Variants in GSAP observed in about 807,000 individuals in gnomAD.
The protein encoded by GSAP is gamma-secretase activating protein, also known as gamma-secretase-activating protein.
GSAP carries 118 observed loss-of-function variants against 131.7 expected under a neutral mutation model. That is an observed-to-expected ratio of 0.90 (90% CI 0.77 to 1.04). The LOEUF (loss-of-function observed/expected upper bound fraction) is 1.04, where lower values mean the gene tolerates loss of function less well. Ranked by LOEUF, GSAP falls within the 50% of genes least tolerant of loss-of-function variation. The pLI, the probability that GSAP is intolerant of heterozygous loss-of-function variation, is 0.00. For synonymous variants in GSAP, 381 were observed against 363.4 expected, an observed-to-expected ratio of 1.05 and a Z score of -0.55; for missense variants, 1,019 against 1,013.2, an observed-to-expected ratio of 1.01 and a Z score of -0.08.
intron 15 of GSAP, 22 bp from the exon 16 acceptor site, chr7:77,355,452 G>T: frequency 7.1e-7 from 1 of 1,401,922 alleles, no homozygotes; most frequent in Non-Finnish European, 9.9e-7. Flanking sequence ...AAAAAAAACA[G>T]TAGATCAGCA....
At chr7:77,413,753 G>A (rs570569244) in intron 1 of GSAP, among the ~76,000 whole-genome samples, 39 of 152,206 alleles carry the variant, frequency 2.6e-4, no homozygotes, top group Non-Finnish European at 5.0e-4. Context: ...AGGTGAGGAT[G>A]AGAGAAAGAA....
chr7:77,390,799 A>T (rs1799345785), intron 5 of GSAP, among the ~76,000 whole-genome samples: 1 of 151,608 alleles, frequency 6.6e-6, no homozygotes, highest in African/African-American at 2.4e-5. Flanking sequence ...ACAAAAAAAA[A>T]ATAGCTGGGC....
intron 3 of GSAP, among the ~76,000 whole-genome samples, chr7:77,398,147 G>A (rs1563117794): frequency 6.6e-6 from 1 of 152,126 alleles, no homozygotes; most frequent in East Asian, 1.9e-4. Flanking sequence ...AACACCCAGA[G>A]GATAAGGGAA....
chr7:77,361,738 T>C (rs1794547186), intron 13 of GSAP, among the ~76,000 whole-genome samples: 1 of 152,182 alleles, frequency 6.6e-6, no homozygotes, highest in South Asian at 2.1e-4. Flanking sequence ...AATAACTCCT[T>C]AGCATGGTTC....
intron 5 of GSAP, among the ~76,000 whole-genome samples, chr7:77,388,420 C>T (rs1305040078): frequency 2.0e-5 from 3 of 152,188 alleles, no homozygotes; most frequent in Admixed American, 2.0e-4. Context: ...AGTGGTATAG[C>T]ACTGATAATG....
chr7:77,392,641 A>C (rs1359783812), intron 5 of GSAP, among the ~76,000 whole-genome samples: 1 of 152,222 alleles, frequency 6.6e-6, no homozygotes, highest in Non-Finnish European at 1.5e-5. Context: ...GAGAGACAGC[A>C]GGATCAGGCA....
intron 18 of GSAP, among the ~76,000 whole-genome samples, chr7:77,349,657 T>C (rs957952701): frequency 6.7e-6 from 1 of 149,846 alleles, no homozygotes; most frequent in Non-Finnish European, 1.5e-5. Flanking sequence ...AAAAGACTAT[T>C]ACAAAGAAAT....
chr7:77,395,758 G>A (rs1221859385), intron 5 of GSAP, among the ~76,000 whole-genome samples: 1 of 152,200 alleles, frequency 6.6e-6, no homozygotes, highest in African/African-American at 2.4e-5. Context: ...AGCCTCATGT[G>A]GAAAGTAAGT....
At chr7:77,314,711 T>G (rs1794783183) in intron 26 of GSAP, 2 of 444,206 alleles carry the variant, frequency 4.5e-6, no homozygotes, top group Non-Finnish European at 8.3e-6. Flanking sequence ...CATTCCTTGC[T>G]CCTTGGGTCT....
At chr7:77,365,819 C>G (rs569505376) in intron 12 of GSAP, among the ~76,000 whole-genome samples, 10 of 151,328 alleles carry the variant, frequency 6.6e-5, no homozygotes, top group Non-Finnish European at 1.3e-4. Context: ...CTGCTTTCCA[C>G]AATGGTAGAA....
At chr7:77,379,892 C>T in intron 8 of GSAP, 9 of 981,816 alleles carry the variant, frequency 9.2e-6, no homozygotes, top group Non-Finnish European at 1.1e-5. Flanking sequence ...TTGAGGCTTT[C>T]AATAGCTGAT....
chr7:77,358,626 G>A (rs1438439662), intron 14 of GSAP, among the ~76,000 whole-genome samples: 1 of 152,098 alleles, frequency 6.6e-6, no homozygotes, highest in Non-Finnish European at 1.5e-5. Context: ...AATGCTATAA[G>A]ATAAAAATCA....
chr7:77,316,626 T>C (rs1794996265), intron 26 of GSAP, among the ~76,000 whole-genome samples: 2 of 152,240 alleles, frequency 1.3e-5, no homozygotes, highest in Non-Finnish European at 2.9e-5. Flanking sequence ...AAGTTTACAC[T>C]AGATTATTGA....
At chr7:77,393,233 C>T (rs1167806806) in intron 5 of GSAP, among the ~76,000 whole-genome samples, 3 of 152,112 alleles carry the variant, frequency 2.0e-5, no homozygotes, top group African/African-American at 7.2e-5. Context: ...CTTGTAAGGC[C>T]ATTTGATGGA....
chr7:77,315,044 C>CAA (rs1286375981), intron 26 of GSAP: 2 of 152,726 alleles, frequency 1.3e-5, no homozygotes, highest in African/African-American at 4.8e-5. Flanking sequence ...CAGGCATTCT[C>CAA]AAGCCTGTCT....
intron 2 of GSAP, among the ~76,000 whole-genome samples, chr7:77,405,243 T>C (rs934644131): frequency 7.2e-5 from 11 of 152,322 alleles, no homozygotes; most frequent in Non-Finnish European, 1.0e-4. Context: ...GAGGCTGCAG[T>C]CAGCTATGAT....
chr7:77,328,587 A>ATT lies in GSAP; in HGVS notation c.1765+17_1765+18dup. On this transcript the variant is annotated intron_variant, in intron 22 of 30. Transcript: ENST00000257626. ...CACTGACTGGAACCCAGAAGGCTTT[A>ATT]TTACAGATCTTTTCTTACCCAAATT... The ATT allele has an allele frequency of 6.2e-7, 1 of 1,607,910 alleles. No homozygotes were observed. The highest frequency in any genetic ancestry group is 8.5e-7 in the Non-Finnish European group (1 of 1,178,304).
intron 5 of GSAP, among the ~76,000 whole-genome samples, chr7:77,389,789 G>A (rs1209367005): frequency 1.3e-5 from 2 of 152,168 alleles, no homozygotes; most frequent in African/African-American, 4.8e-5. Flanking sequence ...AATCCTTTGG[G>A]TATATACCCA....
intron 19 of GSAP, among the ~76,000 whole-genome samples, chr7:77,333,844 G>A (rs183637671): frequency 6.6e-6 from 1 of 152,218 alleles, no homozygotes; most frequent in South Asian, 2.1e-4. Context: ...AGGGAGAGTT[G>A]AATCTGCACA....
Sources: gnomAD v4.1 joint callset for allele counts (sites outside exome capture counted in the v4.1 genomes callset) on GRCh38, gnomAD v4.1.1 for gene constraint, MANE v1.5 for transcripts, NCBI Gene and HGNC (gene_info 2026-07-23, HGNC 2026-07-21) for gene names.